The following VPS13A variants were observed in gnomAD, a reference collection of about 807,000 sequenced individuals.
VPS13A encodes vacuolar protein sorting 13 homolog A.
VPS13A carries 264 observed loss-of-function variants against 390.9 expected under a neutral mutation model. The ratio of observed to expected loss-of-function variants is 0.68; its 90% CI spans 0.61 to 0.75. VPS13A has a LOEUF of 0.75. VPS13A is among the 30% of genes least tolerant of loss of function. The pLI, the probability that VPS13A is intolerant of heterozygous loss-of-function variation, is 0.00. For synonymous variants in VPS13A, 1,231 were observed against 1,227.1 expected (o/e 1.00, Z -0.07); for missense variants, 3,409 against 3,733.9 (o/e 0.91, Z 2.27).
At position 77,293,418 on chromosome 9, in the gene VPS13A, C is replaced by T. The variant is rs1002210810; in HGVS notation, c.3417C>T (p.Tyr1139=). 8.7e-6 allele frequency: 14 copies of T among 1,612,584 alleles called. No homozygotes were observed. The highest frequency in any genetic ancestry group is 2.2e-5 in the East Asian group (1 of 44,698). Residue 1139 remains tyrosine (Y), a synonymous_variant, in exon 32 of 72, where the codon TAC becomes TAT. Transcript: ENST00000360280. ...TGGATGCAACTGCTGGTTCTGCATA[C>T]ACAGATATGAATGTGGTTGACATTC... ...SYMDATAGSA[Y]TDMNVVDIQV...
chr9:77,366,923 A>T (rs769060926), intron 61 of VPS13A, 51 bp downstream of exon 61: 1 of 1,581,536 alleles, frequency 6.3e-7, no homozygotes, highest in Non-Finnish European at 8.6e-7. Context: ...TCTATTTTAT[A>T]TGTCCCTAAA....
intron 67 of VPS13A, among the ~76,000 whole-genome samples, chr9:77,376,083 A>C (rs1312896884): frequency 6.6e-6 from 1 of 152,174 alleles, no homozygotes; most frequent in Admixed American, 6.5e-5. Flanking sequence ...ATTTGAGGAG[A>C]GACCTGAAAG....
At position 77,260,351 on chromosome 9, in the gene VPS13A, CTTTTTTT is replaced by C. The variant is rs750675055; in HGVS notation, c.2427+144_2427+150del. The C allele has an allele frequency of 0.022, 8,087 of 375,892 alleles. 42 individuals are homozygous for C. Among genetic ancestry groups the C allele is most frequent in the Middle Eastern group, 0.035 (35 of 998 alleles). 23.3% of individuals were successfully genotyped at this position (375,892 alleles called of 1,614,324 possible). On this transcript the variant is annotated intron_variant, in intron 23 of 71. Transcript: ENST00000360280. ...TTTTGAATAGACATTAAGAAAATTACTTTTTTTTTTTTTTTTTTTTTTTGAGATGGAG... is the reference window on the plus strand; with the variant it reads ...TTTTGAATAGACATTAAGAAAATTACTTTTTTTTTTTTTTTTGAGATGGAG...
At chr9:77,335,517 A>C (rs1830492005) in intron 46 of VPS13A, among the ~76,000 whole-genome samples, 1 of 152,242 alleles carries the variant, frequency 6.6e-6, no homozygotes, top group African/African-American at 2.4e-5. Flanking sequence ...ACAAGAAAAA[A>C]ACAACCCATC....
chr9:77,319,758 C>A, intron 42 of VPS13A, 85 bp downstream of exon 42: 1 of 742,992 alleles, frequency 1.3e-6, no homozygotes, highest in Non-Finnish European at 2.1e-6. Flanking sequence ...TTTAGGTTCA[C>A]AGCAAAATTG....
At chr9:77,351,237 A>C in intron 52 of VPS13A, 80 bp from the exon 53 acceptor site, 1 of 1,553,384 alleles carries the variant, frequency 6.4e-7, no homozygotes. Flanking sequence ...CTAAGAATTA[A>C]TGAAGTATTA....
At position 77,283,579 on chromosome 9, in the gene VPS13A, G is replaced by A; in HGVS notation, c.3268G>A (p.Glu1090Lys). Residue 1090 changes from glutamate (E) to lysine (K), a missense_variant, in exon 31 of 72, where the codon GAA (glutamate) becomes AAA (lysine). Physicochemically the swap from Glu to Lys is moderately conservative, Grantham distance 56 (BLOSUM62 1). This residue lies in a region of VPS13A where 2,717 missense variants were observed against 2,917.4 expected (regional missense o/e 0.93). Coordinates refer to ENST00000360280, the MANE Select transcript of VPS13A (RefSeq NM_033305.3). ...TTCTGAGATGATTATGAGGCCTTCAGAAACTGAAATAAACGCAAAGCTAAG... is the reference window on the plus strand; with the variant it reads ...TTCTGAGATGATTATGAGGCCTTCAAAAACTGAAATAAACGCAAAGCTAAG... ...LDSEMIMRPS[E>K]TEINAKLRNI... The A allele has an allele frequency of 1.2e-6, 2 of 1,613,488 alleles. No individual in the cohort carries two copies. Among genetic ancestry groups the A allele is most frequent in the Non-Finnish European group, 1.7e-6 (2 of 1,179,676 alleles).
intron 13 of VPS13A, among the ~76,000 whole-genome samples, chr9:77,222,632 CTA>C (rs1164573607): frequency 6.6e-6 from 1 of 152,096 alleles, no homozygotes; most frequent in Non-Finnish European, 1.5e-5. Context: ...TTATTCCTGT[CTA>C]TGTGTCACAT....
chr9:77,345,266 G>A, intron 52 of VPS13A, 124 bp downstream of exon 52: 1 of 1,096,324 alleles, frequency 9.1e-7, no homozygotes, highest in Non-Finnish European at 1.3e-6. Context: ...GTAAAACAGT[G>A]TTCCATTAAA....
At chr9:77,401,870 T>G (rs1834411382) in intron 68 of VPS13A, among the ~76,000 whole-genome samples, 1 of 152,166 alleles carries the variant, frequency 6.6e-6, no homozygotes, top group Non-Finnish European at 1.5e-5. Flanking sequence ...TATTACAGTA[T>G]AATTGTTCTA....
intron 71 of VPS13A, among the ~76,000 whole-genome samples, chr9:77,414,989 T>G (rs1160320759): frequency 6.6e-6 from 1 of 152,076 alleles, no homozygotes; most frequent in African/African-American, 2.4e-5. Context: ...CCTATGCAAT[T>G]TTCTATCTAG....
intron 32 of VPS13A, among the ~76,000 whole-genome samples, chr9:77,294,968 G>A (rs1467978588): frequency 1.3e-5 from 2 of 151,438 alleles, no homozygotes; most frequent in African/African-American, 4.8e-5. Context: ...AGCCTCTTAA[G>A]TAGCTAATTT....
intron 68 of VPS13A, among the ~76,000 whole-genome samples, chr9:77,401,659 A>C (rs1377929213): frequency 1.3e-5 from 2 of 152,096 alleles, no homozygotes; most frequent in Non-Finnish European, 2.9e-5. Flanking sequence ...ATTTCTACTC[A>C]TGATGCTTCT....
Position 77,226,563 on chromosome 9 carries a change from A to G in VPS13A, c.1322A>G (p.Asn441Ser), listed in dbSNP as rs1823529459. 1.9e-6 allele frequency: 3 copies of G among 1,613,012 alleles called. No homozygotes were observed. The East Asian group carries it at 6.7e-5, about 36-fold the overall frequency. Residue 441 changes from asparagine (N) to serine (S), a missense_variant, in exon 15 of 72, where the codon AAT becomes AGT. Asn to Ser is a conservative substitution (Grantham distance 46). Around this residue, in one of 5 missense-constraint regions of VPS13A, gnomAD observed 2,717 missense variants for 2,917.4 expected, o/e 0.93. Transcript: ENST00000360280. ...FSWLWSWSEQ[N>S]TNEQQPDVQP... is the part of the protein sequence containing the mutation. ...TGGCTATGGTCTTGGTCAGAACAAA[A>G]TACTAATGAACAGCAACCAGATGTT...
At chr9:77,377,647 A>G (rs1309937385) in intron 67 of VPS13A, among the ~76,000 whole-genome samples, 2 of 152,134 alleles carry the variant, frequency 1.3e-5, no homozygotes, top group East Asian at 1.9e-4. Flanking sequence ...TGGGTTTTCT[A>G]TATGTAAGAG....
At position 77,409,239 on chromosome 9, in the gene VPS13A, C is replaced by CTGTT. The variant is rs556897239; in HGVS notation, c.9474+1637_9474+1640dup. Among the ~76,000 whole-genome samples the CTGTT allele has an allele frequency of 3.6e-3, 546 of 152,334 alleles. 2 individuals carry two copies. Among genetic ancestry groups the CTGTT allele is most frequent in the African/African-American group, 0.013 (521 of 41,586 alleles). On this transcript the variant is annotated intron_variant, in intron 71 of 71. Transcript: ENST00000360280. ...ACAGACCTGCAGCTGAGGGTCCTGACTGTTTGTTAGAAGGAAAACTAATAA... is the reference window on the plus strand; with the variant it reads ...ACAGACCTGCAGCTGAGGGTCCTGACTGTTTGTTTGTTAGAAGGAAAACTAATAA...
chr9:77,267,790 C>T (rs914562797), intron 23 of VPS13A, among the ~76,000 whole-genome samples: 1 of 152,190 alleles, frequency 6.6e-6, no homozygotes, highest in African/African-American at 2.4e-5. Flanking sequence ...CCCAGGTGCT[C>T]CGTCCCAGGG....
At chr9:77,231,569 A>G (rs1456024763) in intron 17 of VPS13A, among the ~76,000 whole-genome samples, 7 of 151,994 alleles carry the variant, frequency 4.6e-5, no homozygotes, top group Non-Finnish European at 1.0e-4. Context: ...GGCCCTTTGT[A>G]TAAGTTCATT....
chr9:77,334,313 G>T (rs1476883932), intron 46 of VPS13A, among the ~76,000 whole-genome samples: 2 of 152,018 alleles, frequency 1.3e-5, no homozygotes, highest in Non-Finnish European at 2.9e-5. Context: ...CTATTAGTTT[G>T]ATCTGTTTTT....
Sources: allele counts gnomAD v4.1 joint callset (sites outside exome capture counted in the v4.1 genomes callset), GRCh38; gene constraint gnomAD v4.1.1; regional missense constraint gnomAD v4.1.1; transcripts MANE v1.5; gene names NCBI Gene and HGNC (gene_info 2026-07-23, HGNC 2026-07-21).